The following SYNPR variants were observed in gnomAD, a reference collection of about 807,000 sequenced individuals.
SYNPR encodes the protein synaptoporin.
Under a neutral mutation model 32.9 loss-of-function variants are expected in SYNPR, and 23 were observed. That is an observed-to-expected ratio of 0.70 (90% CI 0.50 to 0.99). The LOEUF (loss-of-function observed/expected upper bound fraction) is 0.99. Ranked by LOEUF, SYNPR falls within the 50% of genes least tolerant of loss-of-function variation. The pLI is 0.00. For synonymous variants in SYNPR, 146 were observed against 135.9 expected (o/e 1.07, Z -0.52); for missense variants, 318 against 349.3 (o/e 0.91, Z 0.71).
chr3:63,327,461 T>G (rs1454642014), intron 2 of SYNPR, among the ~76,000 whole-genome samples: 2 of 152,150 alleles, frequency 1.3e-5, no homozygotes, highest in Non-Finnish European at 2.9e-5. Flanking sequence ...AAATGTATTA[T>G]GTCCAAACAA....
chr3:63,608,093 T>C (rs939612765), intron 4 of SYNPR, among the ~76,000 whole-genome samples: 1 of 152,178 alleles, frequency 6.6e-6, no homozygotes, highest in Non-Finnish European at 1.5e-5. Context: ...GTCAAACATA[T>C]ATATAGTCAA....
chr3:63,532,077 T>C (rs1702122504), intron 3 of SYNPR, among the ~76,000 whole-genome samples: 1 of 152,206 alleles, frequency 6.6e-6, no homozygotes. Flanking sequence ...TTCCATTCTT[T>C]CCCTTTGTTC....
chr3:63,520,560 C>A (rs1357410821), intron 3 of SYNPR, among the ~76,000 whole-genome samples: 2 of 152,028 alleles, frequency 1.3e-5, no homozygotes, highest in African/African-American at 4.8e-5. Flanking sequence ...GTAATCCCAG[C>A]TACTGAGGAG....
intron 4 of SYNPR, among the ~76,000 whole-genome samples, chr3:63,605,063 C>A (rs1700097861): frequency 1.3e-5 from 2 of 152,146 alleles, no homozygotes; most frequent in African/African-American, 2.4e-5. Flanking sequence ...TGCCAAGAAC[C>A]AGAAATGAGC....
chr3:63,456,448 T>C (rs1043990413), intron 2 of SYNPR, among the ~76,000 whole-genome samples: 1 of 152,062 alleles, frequency 6.6e-6, no homozygotes, highest in African/African-American at 2.4e-5. Flanking sequence ...GGGAATGGGA[T>C]GGGAGGGGTA....
chr3:63,258,725 G>A (rs1191606498), intron 2 of SYNPR, among the ~76,000 whole-genome samples: 1 of 152,094 alleles, frequency 6.6e-6, no homozygotes, highest in Admixed American at 6.6e-5. Flanking sequence ...TAAGATCAGA[G>A]CAGAACTGAA....
intron 4 of SYNPR, among the ~76,000 whole-genome samples, chr3:63,582,954 T>C (rs565411022): frequency 2.0e-5 from 3 of 152,220 alleles, no homozygotes; most frequent in East Asian, 3.9e-4. Context: ...ACAGGCTTTG[T>C]GTGAGCAACA....
At chr3:63,507,205 C>T (rs1701605668) in intron 3 of SYNPR, among the ~76,000 whole-genome samples, 1 of 150,656 alleles carries the variant, frequency 6.6e-6, no homozygotes, top group African/African-American at 2.4e-5. Context: ...AACAGATGCT[C>T]TAAGCGGTGC....
At chr3:63,349,693 T>G (rs576167684) in intron 2 of SYNPR, among the ~76,000 whole-genome samples, 15 of 152,234 alleles carry the variant, frequency 9.9e-5, no homozygotes, top group African/African-American at 3.6e-4. Flanking sequence ...ATAAAATTTG[T>G]TTTTTGGAGG....
intron 1 of SYNPR, among the ~76,000 whole-genome samples, chr3:63,232,383 G>A (rs1219981397): frequency 6.6e-6 from 1 of 151,742 alleles, no homozygotes; most frequent in East Asian, 1.9e-4. Context: ...TGTATTTTTA[G>A]TAGAGACAGC....
intron 2 of SYNPR, among the ~76,000 whole-genome samples, chr3:63,364,396 C>A (rs1274346895): frequency 6.6e-6 from 1 of 152,042 alleles, no homozygotes. Context: ...GACAAATACT[C>A]AAATAGATAG....
rs372110680 is a variant in SYNPR, at chr3:63,615,300, C to T, written c.677C>T (p.Ser226Leu). 61 of 1,613,678 alleles carry T rather than the reference C, an allele frequency of 3.8e-5. No homozygotes were observed. The highest frequency in any genetic ancestry group is 1.1e-4 in the East Asian group (5 of 44,884). Residue 226 changes from serine to leucine, a missense_variant, in exon 6 of 6, where the codon TCG (serine) becomes TTG (leucine). Transcript: ENST00000478300. ...TTCAAGGAGACCGGCTGGCATTCTT[C>T]GGGACAGAGATATCTTTCAGATCCA... Reference protein sequence around the residue: ...FVFKETGWHSSGQRYLSDPME... With the variant: ...FVFKETGWHSLGQRYLSDPME...
intron 4 of SYNPR, among the ~76,000 whole-genome samples, chr3:63,571,122 C>T (rs1484550936): frequency 6.6e-6 from 1 of 152,126 alleles, no homozygotes; most frequent in Non-Finnish European, 1.5e-5. Context: ...TCAGAAGAGA[C>T]TCAGCTTGCT....
Position 63,389,677 on chromosome 3 carries a change from C to T in SYNPR, c.85-91155C>T, listed in dbSNP as rs976507144. Among the ~76,000 whole-genome samples, 7 of 152,220 alleles carry T rather than the reference C, an allele frequency of 4.6e-5. 1 individual carries two copies. The highest frequency in any genetic ancestry group is 1.9e-4 in the East Asian group (1 of 5,176). On this transcript the variant is annotated intron_variant, in intron 2 of 5. Coordinates refer to ENST00000478300, the MANE Select transcript of SYNPR (RefSeq NM_001130003.2). ...TTGAAAATCCAGTAGGGGTGATTCC[C>T]GAGGGAAAATCAACATGCTGCCACC...
At chr3:63,602,288 T>G (rs1221616196) in intron 4 of SYNPR, among the ~76,000 whole-genome samples, 1 of 151,546 alleles carries the variant, frequency 6.6e-6, no homozygotes, top group Non-Finnish European at 1.5e-5. Flanking sequence ...TCTCCCATTT[T>G]GTAAGTTTTC....
At chr3:63,465,014 C>A (rs759608943) in intron 2 of SYNPR, among the ~76,000 whole-genome samples, 7 of 152,112 alleles carry the variant, frequency 4.6e-5, no homozygotes, top group Non-Finnish European at 7.4e-5. Flanking sequence ...CTCCACTTAT[C>A]ACTGGTACTC....
At chr3:63,471,057 C>T (rs1325919296) in intron 2 of SYNPR, among the ~76,000 whole-genome samples, 5 of 152,168 alleles carry the variant, frequency 3.3e-5, no homozygotes, top group Non-Finnish European at 7.3e-5. Context: ...TTCTGTAGGG[C>T]CTATTCTGAA....
At chr3:63,470,225 C>A (rs1029958117) in intron 2 of SYNPR, among the ~76,000 whole-genome samples, 2 of 152,256 alleles carry the variant, frequency 1.3e-5, no homozygotes, top group Admixed American at 1.3e-4. Context: ...TACAAAAATG[C>A]AATACATGTA....
chr3:63,434,689 T>C (rs1043040416), intron 2 of SYNPR, among the ~76,000 whole-genome samples: 3 of 152,226 alleles, frequency 2.0e-5, no homozygotes, highest in Non-Finnish European at 4.4e-5. Context: ...CTATTCATCT[T>C]CTGGTTCCAT....
Sources: gnomAD v4.1 joint callset for allele counts (sites outside exome capture counted in the v4.1 genomes callset) on GRCh38, gnomAD v4.1.1 for gene constraint, MANE v1.5 for transcripts, NCBI Gene and HGNC (gene_info 2026-07-23, HGNC 2026-07-21) for gene names.